BNC2: variants seen among roughly 807,000 people sequenced by gnomAD.
BNC2 encodes the protein basonuclin zinc finger protein 2.
A neutral mutation model predicts 76.3 loss-of-function variants in BNC2; 20 were observed. That is an observed-to-expected ratio of 0.26 (90% CI 0.18 to 0.38). The LOEUF (loss-of-function observed/expected upper bound fraction) is 0.38. Ranked by LOEUF, BNC2 falls within the 10% of genes least tolerant of loss-of-function variation. The pLI is 1.00. For missense variants in BNC2, 1,382 were observed against 1,399.8 expected (o/e 0.99, Z 0.20); for synonymous variants, 582 against 514.8 (o/e 1.13, Z -1.77).
intron 5 of BNC2, among the ~76,000 whole-genome samples, chr9:16,519,408 G>C (rs1752711037): frequency 6.6e-6 from 1 of 152,206 alleles, no homozygotes; most frequent in South Asian, 2.1e-4. Context: ...AACCTTAGCA[G>C]ATTTAGGAGA....
chr9:16,709,590 C>G (rs1011828410), intron 3 of BNC2, among the ~76,000 whole-genome samples: 3 of 152,280 alleles, frequency 2.0e-5, no homozygotes, highest in Non-Finnish European at 4.4e-5. Flanking sequence ...ATTAGAGGGA[C>G]TATTTCTTTC....
In BNC2 at chr9:16,514,435, A is replaced by T. The variant is rs116074416; in HGVS notation, c.669+38095T>A. Among the ~76,000 whole-genome samples, 903 of 152,306 alleles carry T rather than the reference A, an allele frequency of 5.9e-3. 10 individuals are homozygous for T. Among genetic ancestry groups the T allele is most frequent in the African/African-American group, 0.021 (863 of 41,552 alleles). On this transcript the variant is annotated intron_variant, in intron 5 of 6. Coordinates refer to ENST00000380672, the MANE Select transcript of BNC2 (RefSeq NM_017637.6). ...CAGGGAGATCAGAATGATGAGCAAA[A>T]GCCAGAATCTTTTGTTATGTGTTTT...
intron 1 of BNC2, among the ~76,000 whole-genome samples, chr9:16,771,223 C>G (rs1481067705): frequency 6.6e-6 from 1 of 152,194 alleles, no homozygotes; most frequent in East Asian, 1.9e-4. Context: ...TGTGCTATAT[C>G]TGTCCTCAGG....
At chr9:16,821,427 A>T (rs1205956405) in intron 1 of BNC2, among the ~76,000 whole-genome samples, 2 of 152,202 alleles carry the variant, frequency 1.3e-5, no homozygotes, top group African/African-American at 2.4e-5. Flanking sequence ...TTTTATCTAC[A>T]GAGAAAAAAA....
intron 1 of BNC2, among the ~76,000 whole-genome samples, chr9:16,805,875 AC>A (rs1817897610): frequency 6.6e-6 from 1 of 152,190 alleles, no homozygotes; most frequent in Non-Finnish European, 1.5e-5. Flanking sequence ...AAATACTGAT[AC>A]ATTAAGATAT....
intron 3 of BNC2, among the ~76,000 whole-genome samples, chr9:16,673,949 A>T (rs548519231): frequency 1.3e-5 from 2 of 152,354 alleles, no homozygotes; most frequent in East Asian, 3.9e-4. Flanking sequence ...ATATTTTATC[A>T]AACTCAATAC....
intron 1 of BNC2, among the ~76,000 whole-genome samples, chr9:16,798,863 G>T (rs1464718994): frequency 6.6e-6 from 1 of 151,946 alleles, no homozygotes; most frequent in East Asian, 1.9e-4. Flanking sequence ...TGGCAACAAT[G>T]GTGAGCCCTT....
At chr9:16,425,293 G>A (rs746526509) in intron 6 of BNC2, among the ~76,000 whole-genome samples, 1 of 152,100 alleles carries the variant, frequency 6.6e-6, no homozygotes, top group Non-Finnish European at 1.5e-5. Context: ...GATACGGCAC[G>A]TCTGTTGTAA....
chr9:16,823,059 C>T (rs1330432349), intron 1 of BNC2, among the ~76,000 whole-genome samples: 1 of 152,118 alleles, frequency 6.6e-6, no homozygotes, highest in Admixed American at 6.6e-5. Context: ...TAGGTCTCTA[C>T]TACTCCAAGC....
At chr9:16,509,588 G>A (rs374364738) in intron 5 of BNC2, among the ~76,000 whole-genome samples, 1 of 152,198 alleles carries the variant, frequency 6.6e-6, no homozygotes, top group African/African-American at 2.4e-5. Context: ...AAAAGGAACA[G>A]TTTAAACTGA....
chr9:16,726,777 A>G (rs558149334), intron 3 of BNC2: 1 of 152,292 alleles, frequency 6.6e-6, no homozygotes, highest in South Asian at 2.1e-4. Context: ...GAAAAGCAAG[A>G]CGTGTCTAGG....
At chr9:16,689,262 T>G (rs143690345) in intron 3 of BNC2, among the ~76,000 whole-genome samples, 1 of 151,564 alleles carries the variant, frequency 6.6e-6, no homozygotes, top group Non-Finnish European at 1.5e-5. Flanking sequence ...TTGAAAATAT[T>G]TGAAGATGAA....
chr9:16,737,486 G>A (rs1017894487), intron 2 of BNC2, among the ~76,000 whole-genome samples: 3 of 149,440 alleles, frequency 2.0e-5, no homozygotes, highest in African/African-American at 7.4e-5. Flanking sequence ...TCCTGACCTC[G>A]TGATCCACCC....
At chr9:16,647,028 G>C (rs1052185375) in intron 3 of BNC2, among the ~76,000 whole-genome samples, 2 of 152,176 alleles carry the variant, frequency 1.3e-5, no homozygotes, top group Non-Finnish European at 2.9e-5. Flanking sequence ...ACATGTGGGG[G>C]AAAGGGGTGT....
At chr9:16,476,184 T>C (rs1821924166) in intron 5 of BNC2, 1 of 152,194 alleles carries the variant, frequency 6.6e-6, no homozygotes. Context: ...GAAGCCTTCA[T>C]CACTTGCAAT....
intron 3 of BNC2, among the ~76,000 whole-genome samples, chr9:16,629,085 T>C (rs933256959): frequency 6.6e-6 from 1 of 152,198 alleles, no homozygotes; most frequent in African/African-American, 2.4e-5. Flanking sequence ...AGTAGTGAAA[T>C]TATTTTTGGT....
Position 16,419,120 on chromosome 9 carries a change from C to T in BNC2, c.3169G>A (p.Val1057Met), listed in dbSNP as rs776670051. 5.0e-6 allele frequency: 8 copies of T among 1,614,164 alleles called. No individual in the cohort carries two copies. Among genetic ancestry groups the T allele is most frequent in the Non-Finnish European group, 6.8e-6 (8 of 1,180,042 alleles). The change falls in exon 7 of 7, where the codon GTG (valine) becomes ATG (methionine). Residue 1057 changes from valine to methionine, a missense_variant. This residue lies in a region of BNC2 where 798 missense variants were observed against 775.5 expected (regional missense o/e 1.03). Transcript: ENST00000380672. ...CACTTGTGCATTTCTCTCAAATGCACAGTTTTGTAGTGCACTCTCAGGGTC... is the reference window on the plus strand; with the variant it reads ...CACTTGTGCATTTCTCTCAAATGCATAGTTTTGTAGTGCACTCTCAGGGTC... ...KGTLRVHYKT[V>M]HLREMHKCKV...
intron 3 of BNC2, among the ~76,000 whole-genome samples, chr9:16,717,059 T>C (rs2134808352): frequency 6.6e-6 from 1 of 152,336 alleles, no homozygotes; most frequent in South Asian, 2.1e-4. Context: ...TAGGCCTGAA[T>C]GACAGTGTAT....
chr9:16,470,610 G>A (rs894964776), intron 5 of BNC2, among the ~76,000 whole-genome samples: 14 of 152,182 alleles, frequency 9.2e-5, no homozygotes, highest in African/African-American at 2.2e-4. Flanking sequence ...TATCCCAGCC[G>A]CTCTAGCTGT....
Sources: allele counts gnomAD v4.1 joint callset (sites outside exome capture counted in the v4.1 genomes callset), GRCh38; gene constraint gnomAD v4.1.1; regional missense constraint gnomAD v4.1.1; transcripts MANE v1.5; gene names NCBI Gene and HGNC (gene_info 2026-07-23, HGNC 2026-07-21).